Variants in MN1 observed in about 807,000 individuals in gnomAD.
MN1 encodes the protein transcriptional activator MN1.
MN1 carries 19 observed loss-of-function variants against 86.9 expected under a neutral mutation model. The ratio of observed to expected loss-of-function variants is 0.22; its 90% confidence interval spans 0.15 to 0.32. MN1 has a LOEUF of 0.32. Ranked by LOEUF, MN1 falls within the 10% of genes least tolerant of loss-of-function variation. The pLI is 1.00. For synonymous variants in MN1, 928 were observed against 849.6 expected, an observed-to-expected ratio of 1.09 and a Z score of -1.60; for missense variants, 1,841 against 1,862.0, an observed-to-expected ratio of 0.99 and a Z score of 0.21.
intron 1 of MN1, among the ~76,000 whole-genome samples, chr22:27,764,294 G>A (rs1020573414): frequency 1.3e-5 from 2 of 152,206 alleles, no homozygotes; most frequent in Non-Finnish European, 2.9e-5. Flanking sequence ...CTCTAAGCAA[G>A]GTGAGGGAAA....
chr22:27,787,967 G>C (rs999965146), intron 1 of MN1, among the ~76,000 whole-genome samples: 1 of 152,178 alleles, frequency 6.6e-6, no homozygotes, highest in Admixed American at 6.5e-5. Flanking sequence ...CATGTGCAGC[G>C]ATGTGGGAGC....
At chr22:27,786,024 T>C (rs1933128213) in intron 1 of MN1, among the ~76,000 whole-genome samples, 1 of 152,278 alleles carries the variant, frequency 6.6e-6, no homozygotes, top group South Asian at 2.1e-4. Context: ...AGACTCCGTC[T>C]GGCCCTCACT....
chr22:27,773,966 T>C (rs573238688), intron 1 of MN1, among the ~76,000 whole-genome samples: 2 of 152,108 alleles, frequency 1.3e-5, no homozygotes, highest in Non-Finnish European at 2.9e-5. Flanking sequence ...GATCCTTTGA[T>C]GTACATGAGT....
intron 1 of MN1, among the ~76,000 whole-genome samples, chr22:27,772,170 A>C (rs577997026): frequency 6.6e-6 from 1 of 152,316 alleles, no homozygotes; most frequent in African/African-American, 2.4e-5. Context: ...GCGACAGGGC[A>C]TTCTCGGGCA....
intron 1 of MN1, among the ~76,000 whole-genome samples, chr22:27,769,552 A>ATTTTTTTTTTTTTT (rs58248602): frequency 0.19 from 16,136 of 83,034 alleles, 4,127 homozygotes; most frequent in Non-Finnish European, 0.25. Flanking sequence ...AAGGATGCCA[A>ATTTTTTTTTTTTTT]TTTTTTTTTT....
chr22:27,797,271 G>A lies in MN1; in HGVS notation c.3273C>T (p.Ala1091=), dbSNP rs757009891. 4.4e-6 allele frequency: 7 copies of A among 1,590,348 alleles called. No individual in the cohort carries two copies. Among genetic ancestry groups the A allele is most frequent in the South Asian group, 1.1e-5 (1 of 89,976 alleles). Reference sequence around the variant, plus strand: ...GGGGCGCCTTCGGTCCGTGTTCCCCGGCGCCTACCCCACGGGGAGGGAGTT... The same window carrying A: ...GGGGCGCCTTCGGTCCGTGTTCCCCAGCGCCTACCCCACGGGGAGGGAGTT... ...SPKLPPRGVG[A]GEHGPKAPPP... Residue 1091 remains alanine (A), a synonymous_variant, in exon 1 of 2, where the codon GCC becomes GCT. Coordinates refer to ENST00000302326, the MANE Select transcript of MN1 (RefSeq NM_002430.3).
chr22:27,799,100 G>T lies in MN1; in HGVS notation c.1444C>A (p.Leu482Met). The T allele has an allele frequency of 6.2e-7, 1 of 1,605,296 alleles. No individual in the cohort carries two copies. Among genetic ancestry groups the T allele is most frequent in the South Asian group, 1.1e-5 (1 of 90,656 alleles). Residue 482 changes from leucine (L) to methionine (M), a missense_variant, in exon 1 of 2, where the codon CTG becomes ATG. By Grantham distance (15) the Leu-to-Met change is conservative (BLOSUM62 2). Transcript: ENST00000302326. ...GCGGAAGGGGAGAGGTGATTATCCA[G>T]AGCGCCGTTGTGCATGCTGCCGTTC... Reference protein sequence around the residue: ...SWNGSMHNGALDNHLSPSAYP... With the variant: ...SWNGSMHNGAMDNHLSPSAYP...
At position 27,799,407 on chromosome 22, in the gene MN1, A is replaced by T; in HGVS notation, c.1137T>A (p.Pro379=). ...VRQNSCPPAL[P]RPQQGEAGTP... is the part of the protein sequence containing the mutation. ...TGCCCGCCTCGCCCTGCTGGGGCCG[A>T]GGGAGCGCAGGCGGGCACGAATTTT... is the stretch of plus-strand genomic sequence containing the variant. Residue 379 remains proline, a synonymous_variant, in exon 1 of 2, where the codon CCT becomes CCA. Transcript: ENST00000302326. 6.7e-7 allele frequency: 1 copy of T among 1,498,428 alleles called. No homozygotes were observed. Among genetic ancestry groups the T allele is most frequent in the Non-Finnish European group, 8.9e-7 (1 of 1,129,420 alleles). 92.8% of individuals were successfully genotyped at this position (1,498,428 alleles called of 1,614,324 possible).
At chr22:27,775,837 C>T (rs1025733648) in intron 1 of MN1, among the ~76,000 whole-genome samples, 8 of 152,230 alleles carry the variant, frequency 5.3e-5, no homozygotes, top group East Asian at 1.9e-4. Context: ...GCTCTCTCCC[C>T]GAATGGAATG....
chr22:27,798,834 C>A lies in MN1; in HGVS notation c.1710G>T (p.Leu570=). 4 of 1,539,168 alleles carry A rather than the reference C, an allele frequency of 2.6e-6. No individual in the cohort carries two copies. The highest frequency in any genetic ancestry group is 2.6e-6 in the Non-Finnish European group (3 of 1,146,610). ...CTAGCTGAGCCAGGTTGGGCTGGCG[C>A]AGCCGCTGCTGCTGATTCCGCGACG... ...QMASRNQQQR[L]RQPNLAQLGH... Residue 570 remains leucine (L), a synonymous_variant, in exon 1 of 2, where the codon CTG becomes CTT. Transcript: ENST00000302326.
chr22:27,781,758 G>C (rs1224057055), intron 1 of MN1, among the ~76,000 whole-genome samples: 1 of 152,154 alleles, frequency 6.6e-6, no homozygotes, highest in Admixed American at 6.5e-5. Context: ...GAGTCACACA[G>C]CACACGAGTG....
chr22:27,792,317 CATAT>C (rs36207111), intron 1 of MN1, among the ~76,000 whole-genome samples: 3,326 of 113,986 alleles, frequency 0.029, 74 homozygotes, highest in East Asian at 0.12. Flanking sequence ...ATAAAAATTG[CATAT>C]ATATATATAT....
At chr22:27,773,402 G>A (rs990562969) in intron 1 of MN1, among the ~76,000 whole-genome samples, 3 of 152,226 alleles carry the variant, frequency 2.0e-5, no homozygotes, top group African/African-American at 7.2e-5. Context: ...GCCAGCGAGG[G>A]GAGAATTCAA....
At chr22:27,765,523 C>T (rs938812859) in intron 1 of MN1, among the ~76,000 whole-genome samples, 21 of 152,224 alleles carry the variant, frequency 1.4e-4, no homozygotes, top group Non-Finnish European at 4.4e-5. Context: ...CGGGGGCTCC[C>T]AGCACTTACC....
chr22:27,761,009 G>A (rs1316036024), intron 1 of MN1, among the ~76,000 whole-genome samples: 4 of 152,124 alleles, frequency 2.6e-5, no homozygotes, highest in Non-Finnish European at 5.9e-5. Flanking sequence ...TGCCACAGGC[G>A]CAGGGTCACA....
At chr22:27,769,189 C>A (rs987449439) in intron 1 of MN1, among the ~76,000 whole-genome samples, 2 of 152,158 alleles carry the variant, frequency 1.3e-5, no homozygotes, top group African/African-American at 4.8e-5. Flanking sequence ...CATTGCTAAT[C>A]AACTGCAGCA....
intron 1 of MN1, among the ~76,000 whole-genome samples, chr22:27,774,239 C>A (rs765936321): frequency 2.0e-5 from 3 of 152,216 alleles, no homozygotes; most frequent in Non-Finnish European, 2.9e-5. Flanking sequence ...CGGGGATATT[C>A]CAGACAGGGC....
chr22:27,780,701 C>T (rs911413819), intron 1 of MN1, among the ~76,000 whole-genome samples: 2 of 152,194 alleles, frequency 1.3e-5, no homozygotes, highest in Non-Finnish European at 2.9e-5. Context: ...AGACTAGGAA[C>T]TCTCACGCAC....
At chr22:27,773,768 T>C (rs1217617980) in intron 1 of MN1, among the ~76,000 whole-genome samples, 1 of 152,186 alleles carries the variant, frequency 6.6e-6, no homozygotes, top group Admixed American at 6.5e-5. Flanking sequence ...GCAGTTCTCC[T>C]GCCTCAGCCT....
Sources: allele counts gnomAD v4.1 joint callset (sites outside exome capture counted in the v4.1 genomes callset), GRCh38; gene constraint gnomAD v4.1.1; transcripts MANE v1.5; gene names NCBI Gene and HGNC (gene_info 2026-07-23, HGNC 2026-07-21).